FAAH2: variants seen among roughly 807,000 people sequenced by gnomAD.
FAAH2 encodes fatty-acid amide hydrolase 2.
In FAAH2, 60 loss-of-function variants were observed where a neutral mutation model predicts 36.9. The observed-to-expected ratio is 1.63, with a 90% CI of 1.32 to 2.02. The LOEUF (loss-of-function observed/expected upper bound fraction) is 2.02, where lower values mean the gene tolerates loss of function less well. Ranked by LOEUF, FAAH2 falls within the 30% of genes most tolerant of loss-of-function variation. The pLI is 0.00. For synonymous variants in FAAH2, 214 were observed against 143.8 expected (o/e 1.49, Z -3.49); for missense variants, 689 against 397.5 (o/e 1.73, Z -6.23).
At chrX:57,391,344 G>T (rs2055162351) in intron 7 of FAAH2, among the ~76,000 whole-genome samples, 2 of 110,685 alleles carry the variant, frequency 1.8e-5, no homozygotes, top group African/African-American at 6.6e-5. Context: ...GTGTACTTTT[G>T]TTTTCGTTGC....
chrX:57,141,620 G>A, the FAAH2 span, among the ~76,000 whole-genome samples: 1 of 111,184 alleles, frequency 9.0e-6, no homozygotes, highest in Non-Finnish European at 1.9e-5. Context: ...CCTATTATTG[G>A]TCCGTTCAGG....
At chrX:57,334,268 T>TCTCACACACACACA (rs753282666) in intron 4 of FAAH2, among the ~76,000 whole-genome samples, 3 of 85,726 alleles carry the variant, frequency 3.5e-5, no homozygotes, top group Non-Finnish European at 6.9e-5. Flanking sequence ...AGATTCCGTC[T>TCTCACACACACACA]CACACACACA....
At chrX:57,444,576 C>T (rs912865546) in intron 8 of FAAH2, among the ~76,000 whole-genome samples, 5 of 111,371 alleles carry the variant, frequency 4.5e-5, no homozygotes, top group African/African-American at 1.6e-4. Flanking sequence ...GGATGCCCCA[C>T]CCTGCTCTGT....
In FAAH2 at chrX:57,338,355, C is replaced by T. The variant is rs1218679780; in HGVS notation, c.623-2916C>T. Among the ~76,000 whole-genome samples the T allele has an allele frequency of 3.6e-5, 4 of 111,296 alleles. No individual in the cohort carries two copies. In the Admixed American group the frequency reaches 3.8e-4, roughly 11 times the overall value. ...TAATGTAATCACTTAAGGCAAGGAC[C>T]GACCATTTTCACTTCTTTTGTGGTG... On this transcript the variant is annotated intron_variant, in intron 4 of 10. Transcript: ENST00000374900.
the FAAH2 span, among the ~76,000 whole-genome samples, chrX:57,225,466 G>T: frequency 7.1e-5 from 8 of 111,912 alleles, no homozygotes; most frequent in South Asian, 1.1e-3. Context: ...TCCTTTTGGA[G>T]TTCATTTCCA....
At chrX:57,340,917 ACCTGCACAT>A (rs2053670633) in intron 4 of FAAH2, among the ~76,000 whole-genome samples, 1 of 110,588 alleles carries the variant, frequency 9.0e-6, no homozygotes, top group South Asian at 3.9e-4. Flanking sequence ...TGTGTAGCAA[ACCTGCACAT>A]CCTGCACATG....
the FAAH2 span, among the ~76,000 whole-genome samples, chrX:57,159,191 T>C: frequency 8.9e-6 from 1 of 111,819 alleles, no homozygotes; most frequent in South Asian, 3.7e-4. Flanking sequence ...TCTGTTCCAT[T>C]TGTCTATATC....
the FAAH2 span, among the ~76,000 whole-genome samples, chrX:57,253,400 A>T: frequency 9.0e-6 from 1 of 111,692 alleles, no homozygotes; most frequent in Non-Finnish European, 1.9e-5. Context: ...CAACATTCAA[A>T]TTCAGGAAAT....
At chrX:57,132,773 G>A in the FAAH2 span, among the ~76,000 whole-genome samples, 3 of 112,460 alleles carry the variant, frequency 2.7e-5, no homozygotes, top group Admixed American at 9.4e-5. Context: ...TTATTAATAC[G>A]TGGATGGCTT....
the FAAH2 span, among the ~76,000 whole-genome samples, chrX:57,188,819 T>C: frequency 9.0e-6 from 1 of 111,558 alleles, no homozygotes; most frequent in Non-Finnish European, 1.9e-5. Context: ...TCCTTCACAT[T>C]TTTTCCTTTG....
rs781153857 is a variant in FAAH2, at chrX:57,488,872, G to A, written c.1539G>A (p.Leu513=). 3.2e-5 allele frequency: 39 copies of A among 1,208,865 alleles called. No individual in the cohort carries two copies. Among genetic ancestry groups the A allele is most frequent in the Non-Finnish European group, 4.2e-5 (38 of 895,030 alleles). ...VAGPFNDHLT[L]AVAQYLEKTF... ...GACCCTTTAATGATCATCTGACCCT[G>A]GCTGTGGCCCAGTACTTGGAGAAAA... The change falls in exon 11 of 11, where the codon CTG becomes CTA. Residue 513 remains leucine (L), a synonymous_variant. Coordinates refer to ENST00000374900, the MANE Select transcript of FAAH2 (RefSeq NM_174912.4).
chrX:57,216,624 G>GTATATATATATACGTATATA, the FAAH2 span, among the ~76,000 whole-genome samples: 5 of 57,802 alleles, frequency 8.7e-5, no homozygotes, highest in Non-Finnish European at 1.9e-4. Context: ...ATATATATAC[G>GTATATATATATACGTATATA]TATATATATA....
At chrX:57,147,136 G>A in the FAAH2 span, among the ~76,000 whole-genome samples, 1 of 111,646 alleles carries the variant, frequency 9.0e-6, no homozygotes, top group Non-Finnish European at 1.9e-5. Context: ...AATAGGATTT[G>A]TACCTATGTT....
At chrX:57,471,555 A>G (rs1221864882) in intron 10 of FAAH2, among the ~76,000 whole-genome samples, 2 of 111,893 alleles carry the variant, frequency 1.8e-5, no homozygotes, top group Non-Finnish European at 3.8e-5. Context: ...GGACCTCTTC[A>G]AGGAGAACTA....
intron 8 of FAAH2, 49 bp from the exon 9 acceptor site, chrX:57,446,879 C>T (rs771643778): frequency 9.9e-7 from 1 of 1,005,400 alleles, no homozygotes; most frequent in Non-Finnish European, 1.4e-6. Flanking sequence ...TTGGTCTTTA[C>T]TATTTTGAGA....
chrX:57,323,423 A>T (rs961958855), intron 3 of FAAH2, among the ~76,000 whole-genome samples: 1 of 111,611 alleles, frequency 9.0e-6, no homozygotes, highest in East Asian at 2.8e-4. Flanking sequence ...ACTTCCACAA[A>T]GGTTGAACTA....
chrX:57,280,660 A>T, the FAAH2 span, among the ~76,000 whole-genome samples: 1 of 111,243 alleles, frequency 9.0e-6, no homozygotes, highest in Admixed American at 9.6e-5. Context: ...CAAAAAAAAA[A>T]AAACACTAAA....
chrX:57,187,061 T>A, the FAAH2 span, among the ~76,000 whole-genome samples: 3 of 111,833 alleles, frequency 2.7e-5, no homozygotes, highest in Non-Finnish European at 5.6e-5. Context: ...CATTTTTGGT[T>A]CCGTGTGAAA....
At chrX:57,257,889 C>A in the FAAH2 span, among the ~76,000 whole-genome samples, 1 of 111,312 alleles carries the variant, frequency 9.0e-6, no homozygotes, top group Admixed American at 9.6e-5. Flanking sequence ...GCCAAAGTGT[C>A]CATATTGTTT....
Sources: gnomAD v4.1 joint callset for allele counts (sites outside exome capture counted in the v4.1 genomes callset) on GRCh38, gnomAD v4.1.1 for gene constraint, MANE v1.5 for transcripts, NCBI Gene and HGNC (gene_info 2026-07-23, HGNC 2026-07-21) for gene names.